OSBPL8: variants seen among roughly 807,000 people sequenced by gnomAD.
OSBPL8 encodes oxysterol binding protein like 8.
A neutral mutation model predicts 125.5 loss-of-function variants in OSBPL8; 59 were observed. The observed-to-expected ratio is 0.47, with a 90% CI of 0.38 to 0.58. The LOEUF (loss-of-function observed/expected upper bound fraction) is 0.58. Among genes scored for constraint, OSBPL8 ranks in the 20% least tolerant of loss-of-function variants. OSBPL8 has a pLI of 0.00. For missense variants in OSBPL8, 758 were observed against 1,047.8 expected, an observed-to-expected ratio of 0.72 and a Z score of 3.82; for synonymous variants, 330 against 338.9, an observed-to-expected ratio of 0.97 and a Z score of 0.29.
intron 1 of OSBPL8, among the ~76,000 whole-genome samples, chr12:76,493,034 T>C (rs1878900081): frequency 6.6e-6 from 1 of 152,190 alleles, no homozygotes; most frequent in African/African-American, 2.4e-5. Flanking sequence ...CAAAAATAGT[T>C]GGAAACCACT....
intron 4 of OSBPL8, among the ~76,000 whole-genome samples, chr12:76,448,402 C>A (rs567039005): frequency 6.6e-6 from 1 of 152,200 alleles, no homozygotes; most frequent in African/African-American, 2.4e-5. Context: ...TGCACAGATA[C>A]ATGCATCAGA....
At chr12:76,450,806 A>C (rs1432124973) in intron 4 of OSBPL8, 45 bp downstream of exon 4, 1 of 1,525,000 alleles carries the variant, frequency 6.6e-7, no homozygotes, top group Non-Finnish European at 8.8e-7. Context: ...CCCTCCAAAA[A>C]CAAAAACAAA....
chr12:76,393,283 T>C (rs1357453315), intron 9 of OSBPL8, among the ~76,000 whole-genome samples: 3 of 152,154 alleles, frequency 2.0e-5, no homozygotes, highest in Admixed American at 6.5e-5. Flanking sequence ...AATTTAAAAG[T>C]GAATTAGCAG....
chr12:76,410,680 TATA>T, intron 4 of OSBPL8, 46 bp from the exon 5 acceptor site: 1 of 1,272,106 alleles, frequency 7.9e-7, no homozygotes, highest in Non-Finnish European at 1.1e-6. Context: ...TTTGAACATG[TATA>T]ATAAGTCATT....
At chr12:76,532,047 A>AAC (rs1317590582) in intron 1 of OSBPL8, among the ~76,000 whole-genome samples, 5 of 151,478 alleles carry the variant, frequency 3.3e-5, no homozygotes, top group African/African-American at 2.4e-5. Flanking sequence ...AAAAAAAAAA[A>AAC]AAAAAAAAAA....
At chr12:76,477,171 G>A (rs1034268620) in intron 2 of OSBPL8, among the ~76,000 whole-genome samples, 2 of 152,052 alleles carry the variant, frequency 1.3e-5, no homozygotes, top group African/African-American at 4.8e-5. Flanking sequence ...AGTGTTAGTT[G>A]CTTAAGGCTT....
intron 1 of OSBPL8, among the ~76,000 whole-genome samples, chr12:76,555,187 C>A (rs542933164): frequency 6.6e-6 from 1 of 152,224 alleles, no homozygotes; most frequent in South Asian, 2.1e-4. Context: ...CTTATTTCAT[C>A]ACAACAATGA....
At chr12:76,382,799 C>T (rs139740326) in intron 15 of OSBPL8, among the ~76,000 whole-genome samples, 6,534 of 152,214 alleles carry the variant, frequency 0.043, 498 homozygotes, top group African/African-American at 0.15. Flanking sequence ...AGGAGAATAG[C>T]TTGAACCCGG....
At chr12:76,415,891 T>C (rs1868590784) in intron 4 of OSBPL8, among the ~76,000 whole-genome samples, 1 of 152,178 alleles carries the variant, frequency 6.6e-6, no homozygotes, top group Non-Finnish European at 1.5e-5. Context: ...ACTGAAACTC[T>C]CTAGTGTGTG....
At chr12:76,497,304 G>A (rs1879378965) in intron 1 of OSBPL8, among the ~76,000 whole-genome samples, 1 of 151,726 alleles carries the variant, frequency 6.6e-6, no homozygotes, top group South Asian at 2.1e-4. Context: ...TAGCATGAAA[G>A]CAACCATAGA....
intron 15 of OSBPL8, among the ~76,000 whole-genome samples, chr12:76,383,573 A>G (rs907634826): frequency 1.3e-5 from 2 of 152,156 alleles, no homozygotes; most frequent in Admixed American, 6.5e-5. Flanking sequence ...TTCTGTTTAC[A>G]TACTTTATTT....
At chr12:76,462,205 T>C (rs550113151) in intron 2 of OSBPL8, among the ~76,000 whole-genome samples, 1 of 152,332 alleles carries the variant, frequency 6.6e-6, no homozygotes, top group Admixed American at 6.5e-5. Context: ...CATTGTACAG[T>C]TCTGTTATAT....
intron 1 of OSBPL8, among the ~76,000 whole-genome samples, chr12:76,491,637 C>A (rs1403779396): frequency 2.0e-5 from 3 of 152,174 alleles, no homozygotes; most frequent in Non-Finnish European, 2.9e-5. Flanking sequence ...TGAGCCAATT[C>A]TCTTCAAGGA....
intron 21 of OSBPL8, 79 bp from the exon 22 acceptor site, chr12:76,358,890 A>G: frequency 9.8e-7 from 1 of 1,025,156 alleles, no homozygotes; most frequent in Non-Finnish European, 1.5e-6. Flanking sequence ...TGTCAAAATT[A>G]TCTGCACATA....
intron 2 of OSBPL8, among the ~76,000 whole-genome samples, chr12:76,471,082 G>A (rs1309270177): frequency 2.6e-5 from 4 of 152,112 alleles, no homozygotes; most frequent in Admixed American, 2.0e-4. Context: ...AAGAGAATTA[G>A]AATATTTACA....
At chr12:76,422,586 G>A (rs746572591) in intron 4 of OSBPL8, 68 of 456,486 alleles carry the variant, frequency 1.5e-4, no homozygotes, top group South Asian at 1.0e-3. Flanking sequence ...TCAATCCGGG[G>A]AGGAAATAAA....
intron 1 of OSBPL8, among the ~76,000 whole-genome samples, chr12:76,536,064 T>C (rs993813968): frequency 6.6e-6 from 1 of 152,190 alleles, no homozygotes; most frequent in Non-Finnish European, 1.5e-5. Context: ...TTTGGGTTTT[T>C]TTTAGTATTT....
intron 1 of OSBPL8, among the ~76,000 whole-genome samples, chr12:76,500,537 C>A (rs1261731633): frequency 6.6e-6 from 1 of 152,046 alleles, no homozygotes; most frequent in Non-Finnish European, 1.5e-5. Flanking sequence ...GTTAAAATTG[C>A]ATATGTTCCT....
chr12:76,552,428 CAAAAAAAAAAAAA>C (rs55942644), intron 1 of OSBPL8, among the ~76,000 whole-genome samples: 15 of 54,864 alleles, frequency 2.7e-4, no homozygotes, highest in African/African-American at 8.8e-4. Flanking sequence ...CCCATGTCTC[CAAAAAAAAAAAAA>C]AAAAAAAAAA....
Sources: gnomAD v4.1 joint callset for allele counts (sites outside exome capture counted in the v4.1 genomes callset) on GRCh38, gnomAD v4.1.1 for gene constraint, MANE v1.5 for transcripts, NCBI Gene and HGNC (gene_info 2026-07-23, HGNC 2026-07-21) for gene names.